FEM1C: variants seen among roughly 807,000 people sequenced by gnomAD.
The protein encoded by FEM1C is fem-1 homolog C.
A neutral mutation model predicts 37.6 loss-of-function variants in FEM1C; 15 were observed. The ratio of observed to expected loss-of-function variants is 0.40; its 90% confidence interval spans 0.27 to 0.61. The LOEUF (loss-of-function observed/expected upper bound fraction) is 0.61. Ranked by LOEUF, FEM1C falls within the 20% of genes least tolerant of loss-of-function variation. FEM1C has a pLI of 0.42. For synonymous variants in FEM1C, 287 were observed against 272.8 expected, an observed-to-expected ratio of 1.05 and a Z score of -0.51; for missense variants, 532 against 749.7, an observed-to-expected ratio of 0.71 and a Z score of 3.39.
chr5:115,540,610 A>G (rs563327088), intron 2 of FEM1C, among the ~76,000 whole-genome samples: 2 of 152,216 alleles, frequency 1.3e-5, no homozygotes, highest in African/African-American at 4.8e-5. Flanking sequence ...AAGAGCTCAA[A>G]GGTAATCAAG....
intron 2 of FEM1C, among the ~76,000 whole-genome samples, chr5:115,537,307 A>T (rs1224366039): frequency 6.6e-6 from 1 of 152,036 alleles, no homozygotes; most frequent in Non-Finnish European, 1.5e-5. Context: ...TGAACCAGTG[A>T]AGGAACTACA....
At position 115,524,222 on chromosome 5, in the gene FEM1C, A is replaced by C. The variant is rs1323274169; in HGVS notation, c.*86T>G. Reference sequence around the variant, plus strand: ...ACAATGATATCAATCAAGCTAAATGAATGCTGGTGTTATCACAACAGTGCT... The same window carrying C: ...ACAATGATATCAATCAAGCTAAATGCATGCTGGTGTTATCACAACAGTGCT... On this transcript the variant is annotated 3_prime_UTR_variant, in exon 3 of 3. Coordinates refer to ENST00000274457, the MANE Select transcript of FEM1C (RefSeq NM_020177.3). The C allele has an allele frequency of 9.5e-7, 1 of 1,057,142 alleles. No homozygotes were observed. The highest frequency in any genetic ancestry group is 1.4e-6 in the Non-Finnish European group (1 of 707,066). 65.5% of individuals were successfully genotyped at this position (1,057,142 alleles called of 1,614,324 possible).
chr5:115,532,293 C>T (rs533434708), intron 2 of FEM1C, among the ~76,000 whole-genome samples: 1 of 152,188 alleles, frequency 6.6e-6, no homozygotes, highest in Admixed American at 6.5e-5. Flanking sequence ...ATCCCAGAAG[C>T]AACTAGCAAC....
intron 2 of FEM1C, among the ~76,000 whole-genome samples, chr5:115,540,513 A>C (rs192965452): frequency 1.3e-4 from 20 of 152,146 alleles, no homozygotes; most frequent in Admixed American, 9.2e-4. Flanking sequence ...AATGACTTAG[A>C]ATAAGTTTGG....
At chr5:115,539,430 A>C (rs60640600) in intron 2 of FEM1C, among the ~76,000 whole-genome samples, 13,888 of 152,052 alleles carry the variant, frequency 0.091, 721 homozygotes, top group African/African-American at 0.13. Flanking sequence ...AGAAGGACTC[A>C]CCTAATCACT....
At chr5:115,527,600 TC>T (rs1186957224) in intron 2 of FEM1C, among the ~76,000 whole-genome samples, 1 of 152,118 alleles carries the variant, frequency 6.6e-6, no homozygotes, top group Non-Finnish European at 1.5e-5. Context: ...CCTCTACTAT[TC>T]CCCATGTTTT....
chr5:115,525,431 C>T lies in FEM1C; in HGVS notation c.731G>A (p.Arg244His), dbSNP rs548208267. 6 of 1,613,638 alleles carry T rather than the reference C, an allele frequency of 3.7e-6. No individual in the cohort carries two copies. The highest frequency in any genetic ancestry group is 1.3e-5 in the African/African-American group (1 of 75,000). ...THHAQTSKTE[R>H]INALELLGAT... ...TCCCAGAAGCTCTAGAGCATTAATA[C>T]GTTCTGTCTTGCTGGTCTGTGCATG... is the stretch of plus-strand genomic sequence containing the variant. Residue 244 changes from arginine to histidine, a missense_variant, in exon 3 of 3, where the codon CGT (arginine) becomes CAT (histidine). Physicochemically the swap from Arg to His is conservative, Grantham distance 29. Transcript: ENST00000274457.
intron 2 of FEM1C, among the ~76,000 whole-genome samples, chr5:115,527,540 A>T (rs1194862885): frequency 6.6e-6 from 1 of 152,172 alleles, no homozygotes; most frequent in Non-Finnish European, 1.5e-5. Context: ...ATTTCAATTA[A>T]ACATGACTAC....
At position 115,522,021 on chromosome 5, in the gene FEM1C, GC is replaced by G. The variant is rs1753786113; in HGVS notation, c.*2286del. On this transcript the variant is annotated 3_prime_UTR_variant, in exon 3 of 3. Transcript: ENST00000274457. ...TATCTATTTTTACTGGTGCAAAAAT[GC>G]TATTTAAAGAAATCCTTACTTTACA... The G allele has an allele frequency of 6.6e-6, 1 of 151,852 alleles. No individual in the cohort carries two copies. Among genetic ancestry groups the G allele is most frequent in the Non-Finnish European group, 1.5e-5 (1 of 67,756 alleles). The allele number at this position is 151,852 out of a possible 1,614,324, so 9.4% of individuals were successfully genotyped here. A position where few individuals can be genotyped will look rare whatever the true frequency, so the allele number is the denominator to read the frequency against.
intron 2 of FEM1C, 92 bp from the exon 3 acceptor site, chr5:115,525,709 C>G (rs1245860795): frequency 9.3e-7 from 1 of 1,074,764 alleles, no homozygotes; most frequent in African/African-American, 1.6e-5. Flanking sequence ...TAAAGAAAAG[C>G]AGGAAGCTTT....
intron 2 of FEM1C, among the ~76,000 whole-genome samples, chr5:115,529,649 A>T (rs142744025): frequency 9.9e-4 from 150 of 152,192 alleles, no homozygotes; most frequent in Non-Finnish European, 1.7e-3. Context: ...TACTGATTTT[A>T]AAAATAATAT....
chr5:115,541,843 C>G (rs901154647), intron 2 of FEM1C, among the ~76,000 whole-genome samples: 1 of 152,046 alleles, frequency 6.6e-6, no homozygotes, highest in Non-Finnish European at 1.5e-5. Flanking sequence ...CATGCTTGTA[C>G]ATAGACAAGT....
chr5:115,530,477 C>T (rs1753991500), intron 2 of FEM1C, among the ~76,000 whole-genome samples: 1 of 152,066 alleles, frequency 6.6e-6, no homozygotes, highest in South Asian at 2.1e-4. Flanking sequence ...GTTTAGAAGA[C>T]CAAAACCAGT....
chr5:115,544,275 A>G, intron 1 of FEM1C: 1 of 681,814 alleles, frequency 1.5e-6, no homozygotes, highest in African/African-American at 2.1e-5. Flanking sequence ...CCCCCCGCCA[A>G]GGGATGATCC....
chr5:115,528,739 A>G (rs1753956893), intron 2 of FEM1C, among the ~76,000 whole-genome samples: 1 of 152,128 alleles, frequency 6.6e-6, no homozygotes, highest in Non-Finnish European at 1.5e-5. Flanking sequence ...CATAACACAA[A>G]AAACAATGGA....
At position 115,523,995 on chromosome 5, in the gene FEM1C, A is replaced by C; in HGVS notation, c.*313T>G. 3.9e-6 allele frequency: 1 copy of C among 257,270 alleles called. No homozygotes were observed. Among genetic ancestry groups the C allele is most frequent in the Non-Finnish European group, 7.4e-6 (1 of 135,750 alleles). 15.9% of individuals were successfully genotyped at this position (257,270 alleles called of 1,614,324 possible). On this transcript the variant is annotated 3_prime_UTR_variant, in exon 3 of 3. Transcript: ENST00000274457. The stretch of plus-strand genomic sequence containing the variant: ...CAAACCAGTAAAGTATAAAGACACC[A>C]TGGAGAAATGGTTAACTCTGCCCCA...
chr5:115,544,064 A>G, intron 1 of FEM1C: 1 of 985,432 alleles, frequency 1.0e-6, no homozygotes, highest in Non-Finnish European at 1.2e-6. Flanking sequence ...CAACTGCAGG[A>G]GAGCTGGCCA....
In FEM1C at chr5:115,530,584, A is replaced by G. The variant is rs148689516; in HGVS notation, c.545-4967T>C. Among the ~76,000 whole-genome samples, 42 of 152,254 alleles carry G rather than the reference A, an allele frequency of 2.8e-4. No individual in the cohort carries two copies. In the East Asian group the frequency reaches 7.7e-3, roughly 28 times the overall value. ...ATAGAAAACAATTTTGCCCCCAGGG[A>G]TACAGGGAGCATATCCAAATACTGA... On this transcript the variant is annotated intron_variant, in intron 2 of 2. Coordinates refer to ENST00000274457, the MANE Select transcript of FEM1C (RefSeq NM_020177.3).
At position 115,525,183 on chromosome 5, in the gene FEM1C, C is replaced by A; in HGVS notation, c.979G>T (p.Glu327Ter). The stretch of plus-strand genomic sequence containing the variant: ...GGATGAGAAGGACCAAGAATACGTT[C>A]TCTGATTAATAGTGCCTGCATTCTC... The part of the protein sequence containing the change: ...EMRMQALLIR[E>*]RILGPSHPDT... Residue 327 changes from glutamate (E) to a stop codon, truncating the protein, a stop_gained, in exon 3 of 3, where the codon GAA becomes TAA. Coordinates refer to ENST00000274457, the MANE Select transcript of FEM1C (RefSeq NM_020177.3). LOFTEE classifies it high-confidence loss of function. The A allele has an allele frequency of 6.2e-7, 1 of 1,613,516 alleles. No homozygotes were observed. The highest frequency in any genetic ancestry group is 8.5e-7 in the Non-Finnish European group (1 of 1,179,796).
Sources: gnomAD v4.1 joint callset for allele counts (sites outside exome capture counted in the v4.1 genomes callset) on GRCh38, gnomAD v4.1.1 for gene constraint, MANE v1.5 for transcripts, NCBI Gene and HGNC (gene_info 2026-07-23, HGNC 2026-07-21) for gene names.